Variants in COL21A1 observed in about 807,000 individuals in gnomAD.
COL21A1 encodes the protein collagen type XXI alpha 1 chain.
A neutral mutation model predicts 137.9 loss-of-function variants in COL21A1; 149 were observed. The ratio of observed to expected loss-of-function variants is 1.08; its 90% confidence interval spans 0.95 to 1.24. The LOEUF (loss-of-function observed/expected upper bound fraction) is 1.24, where lower values mean the gene tolerates loss of function less well. COL21A1 is among the 50% of genes most tolerant of loss of function. The pLI is 0.00. For missense variants in COL21A1, 1,167 were observed against 1,158.4 expected (o/e 1.01, Z -0.11); for synonymous variants, 456 against 391.5 (o/e 1.16, Z -1.95).
chr6:56,347,698 A>C (rs944718793), intron 1 of COL21A1, among the ~76,000 whole-genome samples: 1 of 152,138 alleles, frequency 6.6e-6, no homozygotes, highest in Non-Finnish European at 1.5e-5. Flanking sequence ...GATTTGAATC[A>C]GGCTGACTCT....
At chr6:56,308,510 C>G (rs554181177) in intron 1 of COL21A1, among the ~76,000 whole-genome samples, 1 of 152,058 alleles carries the variant, frequency 6.6e-6, no homozygotes, top group African/African-American at 2.4e-5. Context: ...TCTATTAATA[C>G]GAGGTATATA....
intron 10 of COL21A1, among the ~76,000 whole-genome samples, chr6:56,155,940 T>C (rs1775711736): frequency 6.6e-6 from 1 of 152,226 alleles, no homozygotes; most frequent in South Asian, 2.1e-4. Context: ...ATAAACATGC[T>C]GATAGTGACT....
At chr6:56,086,665 AG>A (rs1402988821) in intron 17 of COL21A1, among the ~76,000 whole-genome samples, 2 of 152,074 alleles carry the variant, frequency 1.3e-5, no homozygotes, top group Non-Finnish European at 2.9e-5. Context: ...AAGGGGTAAA[AG>A]GGGAAGCAGG....
intron 1 of COL21A1, among the ~76,000 whole-genome samples, chr6:56,297,464 G>A (rs1270268340): frequency 1.3e-5 from 2 of 151,792 alleles, no homozygotes; most frequent in African/African-American, 4.8e-5. Flanking sequence ...CCTTTATATG[G>A]GCCAACATAC....
intron 1 of COL21A1, among the ~76,000 whole-genome samples, chr6:56,241,021 T>A (rs1422710754): frequency 6.6e-6 from 1 of 152,120 alleles, no homozygotes; most frequent in African/African-American, 2.4e-5. Flanking sequence ...CCCTGCTCCC[T>A]CCCCATTCCA....
intron 5 of COL21A1, 109 bp downstream of exon 5, chr6:56,170,540 A>G (rs1194842245): frequency 1.4e-6 from 1 of 729,600 alleles, no homozygotes; most frequent in African/African-American, 1.8e-5. Context: ...TAAAGTAAAA[A>G]TATTTCCAAT....
chr6:56,099,139 C>G (rs1425262108), intron 17 of COL21A1, among the ~76,000 whole-genome samples: 1 of 151,974 alleles, frequency 6.6e-6, no homozygotes, highest in African/African-American at 2.4e-5. Flanking sequence ...TCAGTCTGCC[C>G]TTTCTAACAT....
intron 17 of COL21A1, among the ~76,000 whole-genome samples, chr6:56,081,189 T>C (rs1354296307): frequency 6.6e-6 from 1 of 151,874 alleles, no homozygotes; most frequent in African/African-American, 2.4e-5. Context: ...TGAAGTCAAC[T>C]TTTTTCCATG....
intron 10 of COL21A1, among the ~76,000 whole-genome samples, chr6:56,144,381 C>T (rs897470996): frequency 1.3e-5 from 2 of 151,948 alleles, no homozygotes; most frequent in Admixed American, 1.3e-4. Context: ...TTTTGCAAGA[C>T]TATTTTTAAA....
rs10484706 is a variant in COL21A1, at chr6:56,182,518, T to A, written c.88+13A>T. 1.3e-6 allele frequency: 2 copies of A among 1,547,206 alleles called. No individual in the cohort carries two copies. Among genetic ancestry groups the A allele is most frequent in the Non-Finnish European group, 1.8e-6 (2 of 1,128,626 alleles). On this transcript the variant is annotated intron_variant, in intron 2 of 29. Coordinates refer to ENST00000244728, the MANE Select transcript of COL21A1 (RefSeq NM_030820.4). The stretch of plus-strand genomic sequence containing the variant: ...TGTTGATAACAAAAAAGGACAATGC[T>A]GATAGTTCTTACTTGATCTTACTTC...
At chr6:56,194,598 G>A (rs552927096) in intron 1 of COL21A1, among the ~76,000 whole-genome samples, 13 of 152,248 alleles carry the variant, frequency 8.5e-5, no homozygotes, top group African/African-American at 3.1e-4. Flanking sequence ...TATTCCCTTG[G>A]TAGAGAAGTA....
chr6:56,382,462 T>C (rs1320215328), intron 1 of COL21A1, among the ~76,000 whole-genome samples: 1 of 152,204 alleles, frequency 6.6e-6, no homozygotes. Flanking sequence ...TGCTATGAAC[T>C]AAATTGTGTC....
At chr6:56,338,091 T>C (rs544106085) in intron 1 of COL21A1, among the ~76,000 whole-genome samples, 1 of 151,852 alleles carries the variant, frequency 6.6e-6, no homozygotes, top group Admixed American at 6.6e-5. Context: ...TCCTCCCAAG[T>C]AGCTGGGACT....
intron 16 of COL21A1, among the ~76,000 whole-genome samples, chr6:56,107,187 T>A (rs1006202375): frequency 1.6e-4 from 24 of 152,158 alleles, no homozygotes; most frequent in African/African-American, 5.8e-4. Flanking sequence ...TCATCTCAGA[T>A]GAGAACGATG....
chr6:56,232,007 C>T (rs143845907), intron 1 of COL21A1, among the ~76,000 whole-genome samples: 1 of 151,974 alleles, frequency 6.6e-6, no homozygotes, highest in Non-Finnish European at 1.5e-5. Context: ...TTGTTTTCAA[C>T]ACACACAAAA....
chr6:56,161,178 C>T (rs1487633664), intron 9 of COL21A1, among the ~76,000 whole-genome samples: 1 of 152,164 alleles, frequency 6.6e-6, no homozygotes, highest in Non-Finnish European at 1.5e-5. Flanking sequence ...GTAACAAAGG[C>T]TATCAACAGA....
chr6:56,133,307 G>C (rs1454628320), intron 12 of COL21A1, among the ~76,000 whole-genome samples: 1 of 152,134 alleles, frequency 6.6e-6, no homozygotes, highest in African/African-American at 2.4e-5. Context: ...TTATGTTTTA[G>C]TAAAGAGACT....
At chr6:56,170,534 G>C (rs1423970839) in intron 5 of COL21A1, 115 bp downstream of exon 5, 1 of 716,348 alleles carries the variant, frequency 1.4e-6, no homozygotes, top group African/African-American at 1.8e-5. Context: ...AAAATTTAAA[G>C]TAAAAATATT....
At chr6:56,372,837 C>T (rs1246774221) in intron 1 of COL21A1, among the ~76,000 whole-genome samples, 1 of 152,252 alleles carries the variant, frequency 6.6e-6, no homozygotes, top group Middle Eastern at 3.4e-3. Context: ...TGTTCTGTAG[C>T]ATCTGGAACT....
Sources: allele counts gnomAD v4.1 joint callset (sites outside exome capture counted in the v4.1 genomes callset), GRCh38; gene constraint gnomAD v4.1.1; transcripts MANE v1.5; gene names NCBI Gene and HGNC (gene_info 2026-07-23, HGNC 2026-07-21).